The following ZNF567 variants were observed in gnomAD, a reference collection of about 807,000 sequenced individuals.
The protein encoded by ZNF567 is zinc finger protein 567.
Under a neutral mutation model 53.9 loss-of-function variants are expected in ZNF567, and 36 were observed. That is an observed-to-expected ratio of 0.67 (90% CI 0.51 to 0.88). ZNF567 has a LOEUF of 0.88. Ranked by LOEUF, ZNF567 falls within the 40% of genes least tolerant of loss-of-function variation. ZNF567 has a pLI of 0.00. For missense variants in ZNF567, 619 were observed against 764.7 expected (o/e 0.81, Z 2.25); for synonymous variants, 224 against 260.4 (o/e 0.86, Z 1.35).
intron 5 of ZNF567, among the ~76,000 whole-genome samples, chr19:36,715,025 C>G (rs58880289): frequency 0.041 from 6,164 of 152,164 alleles, 424 homozygotes; most frequent in African/African-American, 0.14. Flanking sequence ...CGTCAACATA[C>G]AAAGCACATT....
the ZNF567 span, among the ~76,000 whole-genome samples, chr19:36,669,652 C>T: frequency 1.3e-5 from 2 of 152,262 alleles, no homozygotes; most frequent in East Asian, 3.9e-4. Flanking sequence ...GTGTTGGTCT[C>T]TGCACAGTCA....
At chr19:36,691,602 A>G (rs970509434) in intron 2 of ZNF567, among the ~76,000 whole-genome samples, 3 of 152,222 alleles carry the variant, frequency 2.0e-5, no homozygotes, top group African/African-American at 4.8e-5. Context: ...TGTCACCACC[A>G]TCACCCAAAT....
chr19:36,712,368 C>G lies in ZNF567; in HGVS notation c.10-18C>G, dbSNP rs750874772. ...TGGCTAAGTCCACCTGTTCTGATTA[C>G]AGTTCCATCCATTCTAGGGATCAGT... On this transcript the variant is annotated intron_variant, in intron 3 of 5. Transcript: ENST00000682579. 88 of 1,610,554 alleles carry G rather than the reference C, an allele frequency of 5.5e-5. No homozygotes were observed. The highest frequency in any genetic ancestry group is 7.0e-5 in the Non-Finnish European group (83 of 1,178,160).
chr19:36,691,871 C>G (rs888383549), intron 2 of ZNF567, among the ~76,000 whole-genome samples: 3 of 152,184 alleles, frequency 2.0e-5, no homozygotes, highest in African/African-American at 7.2e-5. Context: ...TGGTCTCGAA[C>G]TCCTGAGCTC....
intron 3 of ZNF567, among the ~76,000 whole-genome samples, chr19:36,707,230 A>C (rs116325095): frequency 0.022 from 3,249 of 150,318 alleles, 48 homozygotes; most frequent in Middle Eastern, 0.055. Flanking sequence ...GTACTTCTTT[A>C]TTTTCTTGTT....
intron 5 of ZNF567, among the ~76,000 whole-genome samples, chr19:36,715,782 G>C (rs947660169): frequency 6.6e-6 from 1 of 151,808 alleles, no homozygotes; most frequent in African/African-American, 2.4e-5. Context: ...GCCCGTGTCA[G>C]CCTCCCAAAG....
chr19:36,682,092 A>G, the ZNF567 span, among the ~76,000 whole-genome samples: 1 of 152,014 alleles, frequency 6.6e-6, no homozygotes, highest in Non-Finnish European at 1.5e-5. Context: ...CCCGGGGAAC[A>G]TAGTGAGACC....
chr19:36,715,270 C>G (rs935092186), intron 5 of ZNF567, among the ~76,000 whole-genome samples: 3 of 150,614 alleles, frequency 2.0e-5, no homozygotes, highest in Non-Finnish European at 4.4e-5. Flanking sequence ...AAGTGATTCT[C>G]CTGCCTCAGC....
chr19:36,722,068 C>T (rs1393770788), downstream of ZNF567, among the ~76,000 whole-genome samples: 1 of 151,868 alleles, frequency 6.6e-6, no homozygotes, highest in Non-Finnish European at 1.5e-5. Flanking sequence ...CTACCATAAT[C>T]TATAAGAAAT....
At chr19:36,692,674 T>C (rs1425755761) in intron 2 of ZNF567, among the ~76,000 whole-genome samples, 1 of 152,180 alleles carries the variant, frequency 6.6e-6, no homozygotes, top group African/African-American at 2.4e-5. Flanking sequence ...CCTACTGTGC[T>C]CAACCAGTTT....
chr19:36,670,560 C>G, the ZNF567 span, among the ~76,000 whole-genome samples: 1 of 152,166 alleles, frequency 6.6e-6, no homozygotes, highest in Non-Finnish European at 1.5e-5. Flanking sequence ...CCAGTTGTAG[C>G]TGCTGTACCA....
the ZNF567 span, among the ~76,000 whole-genome samples, chr19:36,682,610 A>T: frequency 0.053 from 7,374 of 138,798 alleles, 371 homozygotes; most frequent in African/African-American, 0.11. Flanking sequence ...TATTATTATT[A>T]TTATTTTTTT....
At chr19:36,713,077 G>A (rs2039870877) in intron 5 of ZNF567, among the ~76,000 whole-genome samples, 1 of 152,020 alleles carries the variant, frequency 6.6e-6, no homozygotes, top group Admixed American at 6.6e-5. Context: ...GGAGGCCAAG[G>A]TGAGAGGATC....
chr19:36,693,480 T>G lies in ZNF567; in HGVS notation c.-66-1322T>G, dbSNP rs570902306. Among the ~76,000 whole-genome samples the G allele has an allele frequency of 3.3e-5, 5 of 152,088 alleles. No homozygotes were observed. In the East Asian group the frequency reaches 9.7e-4, roughly 29 times the overall value. On this transcript the variant is annotated intron_variant, in intron 2 of 5. Transcript: ENST00000682579. ...CTCAAAAATAAAATAAAAATAAGAC[T>G]TGAATAAAAGGACAGGAAGACACAA...
intron 3 of ZNF567, among the ~76,000 whole-genome samples, chr19:36,710,187 G>T (rs1339511429): frequency 6.6e-6 from 1 of 150,590 alleles, no homozygotes; most frequent in Non-Finnish European, 1.5e-5. Context: ...CACAGATACT[G>T]ATTCTCTATT....
At chr19:36,689,113 A>T (rs1167720765) in intron 1 of ZNF567, among the ~76,000 whole-genome samples, 1 of 152,068 alleles carries the variant, frequency 6.6e-6, no homozygotes, top group Admixed American at 6.5e-5. Flanking sequence ...TCCAAAAAAG[A>T]TCATTTATTG....
the ZNF567 span, among the ~76,000 whole-genome samples, chr19:36,667,541 T>G: frequency 1.3e-5 from 2 of 149,142 alleles, no homozygotes; most frequent in Admixed American, 1.3e-4. Context: ...TTGACTCCAT[T>G]TATTTATTTA....
At chr19:36,689,092 G>T (rs762567125) in intron 1 of ZNF567, among the ~76,000 whole-genome samples, 2 of 152,046 alleles carry the variant, frequency 1.3e-5, no homozygotes, top group African/African-American at 4.8e-5. Flanking sequence ...ACGAGACTCC[G>T]TCCCTTCCCT....
At position 36,712,438 on chromosome 19, in the gene ZNF567, A is replaced by T; in HGVS notation, c.62A>T (p.Gln21Leu). 6.2e-7 allele frequency: 1 copy of T among 1,614,084 alleles called. No homozygotes were observed. Among genetic ancestry groups the T allele is most frequent in the African/African-American group, 1.3e-5 (1 of 75,044 alleles). The change falls in exon 4 of 6, where the codon CAG becomes CTG. Residue 21 changes from glutamine to leucine, a missense_variant. By Grantham distance (113) the Gln-to-Leu change is moderately radical. Coordinates refer to ENST00000682579, the MANE Select transcript of ZNF567 (RefSeq NM_001322917.1). Reference protein sequence around the residue: ...VTVDFTQEEWQHLDHAQKTLY... With the variant: ...VTVDFTQEEWLHLDHAQKTLY... ...GTGGACTTCACTCAGGAGGAGTGGC[A>T]GCACCTGGATCATGCTCAGAAGACT... is the stretch of plus-strand genomic sequence containing the variant.
Sources: allele counts gnomAD v4.1 joint callset (sites outside exome capture counted in the v4.1 genomes callset), GRCh38; gene constraint gnomAD v4.1.1; transcripts MANE v1.5; gene names NCBI Gene and HGNC (gene_info 2026-07-23, HGNC 2026-07-21).